The following KCNH1 variants were observed in gnomAD, a reference collection of about 807,000 sequenced individuals.
KCNH1 encodes the protein potassium voltage-gated channel subfamily H member 1.
In KCNH1, 27 loss-of-function variants were observed where a neutral mutation model predicts 69.2. The observed-to-expected ratio is 0.39, with a 90% CI of 0.29 to 0.54. The LOEUF is 0.54. Among genes scored for constraint, KCNH1 ranks in the 20% least tolerant of loss-of-function variants. The pLI is 0.68. For missense variants in KCNH1, 798 were observed against 1,261.6 expected (o/e 0.63, Z 5.57); for synonymous variants, 456 against 487.7 (o/e 0.93, Z 0.86).
chr1:210,684,196 GC>G (rs1681354425), intron 10 of KCNH1, 58 bp from the exon 11 acceptor site: 6 of 1,456,554 alleles, frequency 4.1e-6, no homozygotes, highest in Non-Finnish European at 5.4e-6. Context: ...GGCTGCAGCA[GC>G]CCAGCTCAGC....
intron 6 of KCNH1, among the ~76,000 whole-genome samples, chr1:211,001,256 T>C (rs1689172703): frequency 6.6e-6 from 1 of 152,246 alleles, no homozygotes; most frequent in African/African-American, 2.4e-5. Flanking sequence ...ATTTTTGCAA[T>C]CTACTCATCT....
At chr1:210,960,277 G>T (rs1196288192) in intron 6 of KCNH1, among the ~76,000 whole-genome samples, 1 of 151,976 alleles carries the variant, frequency 6.6e-6, no homozygotes, top group African/African-American at 2.4e-5. Context: ...TAAATTTTAG[G>T]TTTCCATTTC....
chr1:211,090,652 G>A lies in KCNH1; in HGVS notation c.349C>T (p.Arg117Ter), dbSNP rs778008970. ...AAAACCACTTTATCCTGTTCGTTTC[G>A]AATTGGAGCAATTTTCACAAAGAAC... ...VWFFVKIAPI[R>*]NEQDKVVLFL... The change falls in exon 4 of 11, where the codon CGA (arginine) becomes TGA (stop). Residue 117 changes from arginine (R) to a stop codon, truncating the protein, a stop_gained. Transcript: ENST00000271751. LOFTEE classifies it high-confidence loss of function. 6 of 1,606,958 alleles carry A rather than the reference G, an allele frequency of 3.7e-6. No homozygotes were observed. Among genetic ancestry groups the A allele is most frequent in the South Asian group, 1.1e-5 (1 of 88,822 alleles).
chr1:210,977,521 T>C (rs1247054686), intron 6 of KCNH1, among the ~76,000 whole-genome samples: 1 of 152,204 alleles, frequency 6.6e-6, no homozygotes, highest in Non-Finnish European at 1.5e-5. Flanking sequence ...ACCACCATTC[T>C]ACTCTCTGCT....
chr1:211,075,988 C>T (rs1215808664), intron 5 of KCNH1, among the ~76,000 whole-genome samples: 1 of 152,240 alleles, frequency 6.6e-6, no homozygotes, highest in Non-Finnish European at 1.5e-5. Context: ...GCGAGCACAG[C>T]AGTCTGAGAT....
chr1:211,120,317 C>A (rs1201594022), intron 1 of KCNH1, among the ~76,000 whole-genome samples: 1 of 151,774 alleles, frequency 6.6e-6, no homozygotes, highest in Non-Finnish European at 1.5e-5. Context: ...AGCCTCCTTA[C>A]TAGCTGGAGT....
intron 7 of KCNH1, among the ~76,000 whole-genome samples, chr1:210,850,881 C>T (rs1685684713): frequency 6.6e-6 from 1 of 152,194 alleles, no homozygotes. Context: ...TCTCTTCTAC[C>T]TCTTTAGAGC....
intron 7 of KCNH1, among the ~76,000 whole-genome samples, chr1:210,877,464 T>C (rs1454989145): frequency 2.6e-5 from 4 of 152,164 alleles, no homozygotes; most frequent in South Asian, 2.1e-4. Flanking sequence ...TTCCTTCACA[T>C]TGAAGTCACA....
intron 10 of KCNH1, among the ~76,000 whole-genome samples, chr1:210,727,561 T>C (rs1682630734): frequency 6.6e-6 from 1 of 152,040 alleles, no homozygotes; most frequent in South Asian, 2.1e-4. Flanking sequence ...ACTATAGGCA[T>C]AGGAGCAGGA....
At chr1:211,020,250 A>T (rs2102129) in intron 5 of KCNH1, among the ~76,000 whole-genome samples, 107,961 of 151,636 alleles carry the variant, frequency 0.71, 39,346 homozygotes, top group African/African-American at 0.87. Flanking sequence ...ACCCAAACCT[A>T]TAACTAAGAA....
At chr1:211,031,218 C>T (rs1308664475) in intron 5 of KCNH1, among the ~76,000 whole-genome samples, 1 of 152,084 alleles carries the variant, frequency 6.6e-6, no homozygotes, top group African/African-American at 2.4e-5. Context: ...CTGAACAGAC[C>T]AGTAACAGAC....
chr1:211,021,426 A>G (rs1295986075), intron 5 of KCNH1, among the ~76,000 whole-genome samples: 1 of 152,268 alleles, frequency 6.6e-6, no homozygotes, highest in East Asian at 1.9e-4. Context: ...AAGAATGCCC[A>G]TTTTCACCAC....
At chr1:210,862,538 TG>T (rs1468383528) in intron 7 of KCNH1, among the ~76,000 whole-genome samples, 2 of 152,314 alleles carry the variant, frequency 1.3e-5, no homozygotes, top group African/African-American at 4.8e-5. Context: ...CTCACTATGT[TG>T]CCCAGGCTGG....
chr1:210,815,795 C>A (rs755185646), intron 7 of KCNH1, among the ~76,000 whole-genome samples: 2 of 152,142 alleles, frequency 1.3e-5, no homozygotes, highest in African/African-American at 4.8e-5. Flanking sequence ...CCACCTGGGG[C>A]GCTTTTGGCC....
chr1:210,762,447 T>C (rs1683541885), intron 10 of KCNH1, among the ~76,000 whole-genome samples: 1 of 152,054 alleles, frequency 6.6e-6, no homozygotes, highest in Non-Finnish European at 1.5e-5. Context: ...GGTTGGTTCT[T>C]CGAAAAGGAT....
At chr1:210,702,016 G>GAACTC (rs1681793536) in intron 10 of KCNH1, among the ~76,000 whole-genome samples, 1 of 152,074 alleles carries the variant, frequency 6.6e-6, no homozygotes, top group South Asian at 2.1e-4. Flanking sequence ...TTGGGGCATG[G>GAACTC]AACTCTTGGC....
intron 7 of KCNH1, among the ~76,000 whole-genome samples, chr1:210,809,031 GAGA>G (rs954521917): frequency 1.3e-5 from 2 of 152,102 alleles, no homozygotes; most frequent in Admixed American, 6.5e-5. Context: ...TGCTGATTTG[GAGA>G]AGAAGGGGTT....
chr1:211,109,321 G>A (rs1691417243), intron 1 of KCNH1, among the ~76,000 whole-genome samples: 1 of 152,124 alleles, frequency 6.6e-6, no homozygotes, highest in Non-Finnish European at 1.5e-5. Flanking sequence ...GACTAGACTG[G>A]GAAGGATCTG....
intron 7 of KCNH1, chr1:210,860,115 TG>T (rs55659105): frequency 1 from 1,244,371 of 1,244,378 alleles, 622,182 homozygotes; most frequent in Middle Eastern, 1. Flanking sequence ...AAGAATCTTT[TG>T]TGCACATACT....
Sources: gnomAD v4.1 joint callset for allele counts (sites outside exome capture counted in the v4.1 genomes callset) on GRCh38, gnomAD v4.1.1 for gene constraint, MANE v1.5 for transcripts, NCBI Gene and HGNC (gene_info 2026-07-23, HGNC 2026-07-21) for gene names.